Variants in SATL1 observed in about 807,000 individuals in gnomAD.
The protein encoded by SATL1 is spermidine/spermine N1-acetyl transferase like 1.
In SATL1, 47 loss-of-function variants were observed where a neutral mutation model predicts 51.8. That is an observed-to-expected ratio of 0.91 (90% confidence interval 0.72 to 1.16). SATL1 has a LOEUF of 1.16. Among genes scored for constraint, SATL1 ranks in the 50% most tolerant of loss-of-function variants. The pLI, the probability that SATL1 is intolerant of heterozygous loss-of-function variation, is 0.00. For missense variants in SATL1, 520 were observed against 526.4 expected (o/e 0.99, Z 0.12); for synonymous variants, 176 against 182.4 (o/e 0.97, Z 0.28).
intron 2 of SATL1, among the ~76,000 whole-genome samples, chrX:85,127,313 G>T (rs892965501): frequency 9.0e-6 from 1 of 111,366 alleles, no homozygotes; most frequent in African/African-American, 3.3e-5. Flanking sequence ...TAACTTTGAG[G>T]ATCAAAGAAG....
At chrX:85,199,259 C>T (rs1927642536) in intron 2 of SATL1, among the ~76,000 whole-genome samples, 1 of 111,281 alleles carries the variant, frequency 9.0e-6, no homozygotes, top group African/African-American at 3.3e-5. Context: ...TCAGGTCCCA[C>T]AAATTAGTAA....
chrX:85,194,568 T>A (rs192339254), intron 2 of SATL1, among the ~76,000 whole-genome samples: 154 of 111,365 alleles, frequency 1.4e-3, no homozygotes, highest in Non-Finnish European at 2.5e-3. Context: ...CCACTCACTA[T>A]GTCTGGGCAT....
intron 4 of SATL1, among the ~76,000 whole-genome samples, chrX:85,100,095 A>G (rs1269582266): frequency 8.9e-6 from 1 of 112,161 alleles, no homozygotes; most frequent in Non-Finnish European, 1.9e-5. Context: ...AATCCCAGCT[A>G]CTCGGGAGGC....
rs377674082 is a variant in SATL1, at chrX:85,233,858, A to C, written c.-434-9532T>G. 1.3e-4 allele frequency among the ~76,000 whole-genome samples: 15 copies of C among 111,760 alleles called. No homozygotes were observed. The East Asian group carries it at 3.7e-3, about 27-fold the overall frequency. On this transcript the variant is annotated intron_variant, in intron 1 of 7. Coordinates refer to ENST00000644105, the MANE Select transcript of SATL1 (RefSeq NM_001367857.2). ...TCTTAAAGAGGAGGCAGAAAGATAG[A>C]GATCAGGATAGACAGCTTGTTCAAA... is the stretch of plus-strand genomic sequence containing the variant.
At chrX:85,134,183 ATAGT>A (rs1925890336) in intron 2 of SATL1, among the ~76,000 whole-genome samples, 1 of 109,039 alleles carries the variant, frequency 9.2e-6, no homozygotes, top group African/African-American at 3.4e-5. Flanking sequence ...GTGTGTGTGT[ATAGT>A]GTGTGTGTGT....
chrX:85,150,847 A>G (rs1190794906), intron 2 of SATL1, among the ~76,000 whole-genome samples: 4 of 109,720 alleles, frequency 3.6e-5, no homozygotes, highest in Admixed American at 9.9e-5. Flanking sequence ...TGACAAACCC[A>G]CAGCCAATAT....
chrX:85,124,222 C>A (rs1019576424), intron 2 of SATL1, among the ~76,000 whole-genome samples: 1 of 110,886 alleles, frequency 9.0e-6, no homozygotes, highest in Non-Finnish European at 1.9e-5. Flanking sequence ...TTTAATATTA[C>A]CCCCAGGCAT....
At chrX:85,106,140 CA>C (rs1258060613) in intron 3 of SATL1, among the ~76,000 whole-genome samples, 1 of 111,778 alleles carries the variant, frequency 8.9e-6, no homozygotes, top group East Asian at 2.8e-4. Flanking sequence ...GCTAGAACTA[CA>C]AAAAACTCTT....
intron 2 of SATL1, among the ~76,000 whole-genome samples, chrX:85,192,613 T>G (rs1014929020): frequency 5.4e-5 from 6 of 111,792 alleles, no homozygotes; most frequent in Admixed American, 3.8e-4. Flanking sequence ...GTAGAATACT[T>G]CACTGATGAA....
chrX:85,184,009 T>G (rs775045913), intron 2 of SATL1, among the ~76,000 whole-genome samples: 1 of 111,894 alleles, frequency 8.9e-6, no homozygotes, highest in African/African-American at 3.2e-5. Context: ...TATTTTAATT[T>G]TTAGCTTTCA....
chrX:85,188,388 T>C (rs1051864280), intron 2 of SATL1, among the ~76,000 whole-genome samples: 6 of 111,596 alleles, frequency 5.4e-5, no homozygotes, highest in African/African-American at 2.0e-4. Context: ...TGTTAAGTTA[T>C]GGTAAGAAGT....
chrX:85,212,039 C>G, intron 2 of SATL1: 1 of 110,821 alleles, frequency 9.0e-6, no homozygotes, highest in East Asian at 2.8e-4. Context: ...CTTCAGAGGG[C>G]CCTTCCCAGA....
intron 2 of SATL1, among the ~76,000 whole-genome samples, chrX:85,116,737 G>C (rs930187923): frequency 9.0e-6 from 1 of 110,610 alleles, no homozygotes; most frequent in African/African-American, 3.3e-5. Flanking sequence ...GGGCTGGGGG[G>C]TCTCTACTGC....
rs931718825 is a variant in SATL1, at chrX:85,166,790, GA to G, written c.-313+57414del. Among the ~76,000 whole-genome samples, 8 of 109,319 alleles carry G rather than the reference GA, an allele frequency of 7.3e-5. No homozygotes were observed. In the Admixed American group the frequency reaches 7.9e-4, roughly 11 times the overall value. The allele number at this position is 109,319 out of a possible 115,157, so 94.9% of individuals were successfully genotyped here. A position where few individuals can be genotyped will look rare whatever the true frequency, so the allele number is the denominator to read the frequency against. ...CCCGCTGCTGGGTATCTACCCAGAGGAAAAGAAGTCACTATATGAAAAAGAT... is the reference window on the plus strand; with the variant it reads ...CCCGCTGCTGGGTATCTACCCAGAGGAAAGAAGTCACTATATGAAAAAGAT... On this transcript the variant is annotated intron_variant, in intron 2 of 7. Coordinates refer to ENST00000644105, the MANE Select transcript of SATL1 (RefSeq NM_001367857.2).
intron 2 of SATL1, among the ~76,000 whole-genome samples, chrX:85,202,302 A>G (rs1303373649): frequency 8.9e-6 from 1 of 111,931 alleles, no homozygotes; most frequent in Admixed American, 9.5e-5. Flanking sequence ...GAAGCTTCAA[A>G]GTTTAATTAT....
chrX:85,114,983 G>T (rs1372647762), intron 2 of SATL1, among the ~76,000 whole-genome samples: 1 of 111,739 alleles, frequency 8.9e-6, no homozygotes, highest in Non-Finnish European at 1.9e-5. Context: ...CCACAAGGGG[G>T]CTGGACTTCC....
At chrX:85,214,644 A>C (rs752937578) in intron 2 of SATL1, among the ~76,000 whole-genome samples, 1 of 111,860 alleles carries the variant, frequency 8.9e-6, no homozygotes, top group East Asian at 2.8e-4. Flanking sequence ...ACTCAAGGCA[A>C]TTTACTTACA....
intron 2 of SATL1, among the ~76,000 whole-genome samples, chrX:85,121,694 C>T (rs908228007): frequency 6.0e-4 from 64 of 107,300 alleles, no homozygotes; most frequent in Non-Finnish European, 1.1e-3. Flanking sequence ...ACTCTCCTGC[C>T]CCCTACCCAC....
intron 2 of SATL1, chrX:85,219,667 A>G (rs1196345542): frequency 8.9e-6 from 1 of 112,092 alleles, no homozygotes; most frequent in African/African-American, 3.2e-5. Flanking sequence ...CATTATGAAT[A>G]AATTCCATAA....
Sources: gnomAD v4.1 joint callset for allele counts (sites outside exome capture counted in the v4.1 genomes callset) on GRCh38, gnomAD v4.1.1 for gene constraint, MANE v1.5 for transcripts, NCBI Gene and HGNC (gene_info 2026-07-23, HGNC 2026-07-21) for gene names.